Variants in CADM1 observed in about 807,000 individuals in gnomAD.
CADM1 encodes TSLC-1.
Under a neutral mutation model 53.1 loss-of-function variants are expected in CADM1, and 15 were observed. The observed-to-expected ratio is 0.28, with a 90% CI of 0.19 to 0.44. The LOEUF is 0.44. Among genes scored for constraint, CADM1 ranks in the 20% least tolerant of loss-of-function variants. The pLI, the probability that CADM1 is intolerant of heterozygous loss-of-function variation, is 1.00. For synonymous variants in CADM1, 281 were observed against 243.0 expected, an observed-to-expected ratio of 1.16 and a Z score of -1.45; for missense variants, 434 against 611.3, an observed-to-expected ratio of 0.71 and a Z score of 3.06.
At chr11:115,497,744 TTTGC>T (rs1297237634) in intron 1 of CADM1, among the ~76,000 whole-genome samples, 1 of 152,190 alleles carries the variant, frequency 6.6e-6, no homozygotes, top group Non-Finnish European at 1.5e-5. Context: ...TTTATTCGAT[TTTGC>T]TGGTGCTCCC....
At chr11:115,217,504 T>C (rs1248686195) in intron 6 of CADM1, among the ~76,000 whole-genome samples, 1 of 152,176 alleles carries the variant, frequency 6.6e-6, no homozygotes, top group East Asian at 1.9e-4. Context: ...AGCAGCTTAA[T>C]GTAAGTCTTA....
intron 1 of CADM1, among the ~76,000 whole-genome samples, chr11:115,338,172 C>A (rs527887435): frequency 6.6e-6 from 1 of 152,088 alleles, no homozygotes; most frequent in Non-Finnish European, 1.5e-5. Flanking sequence ...AACACATGTA[C>A]GGTGTTACTA....
At chr11:115,249,168 T>C (rs1311882242) in intron 1 of CADM1, among the ~76,000 whole-genome samples, 1 of 152,256 alleles carries the variant, frequency 6.6e-6, no homozygotes, top group Non-Finnish European at 1.5e-5. Context: ...TTTCAAAACA[T>C]ATGAAGTTTC....
chr11:115,381,941 G>A lies in CADM1; in HGVS notation c.124+122330C>T, dbSNP rs547657944. Among the ~76,000 whole-genome samples the A allele has an allele frequency of 1.2e-4, 18 of 152,218 alleles. No homozygotes were observed. In the East Asian group the frequency reaches 3.5e-3, roughly 29 times the overall value. On this transcript the variant is annotated intron_variant, in intron 1 of 11. Coordinates refer to ENST00000331581, the MANE Select transcript of CADM1 (RefSeq NM_001301043.2). ...GCTCACTGCAACCTCTGCCTCCCGG[G>A]TTCAAGCCATCTCCTGCCTCAGCCT...
intron 7 of CADM1, among the ~76,000 whole-genome samples, chr11:115,210,033 G>A (rs953635485): frequency 3.9e-5 from 6 of 152,206 alleles, no homozygotes; most frequent in Non-Finnish European, 7.3e-5. Flanking sequence ...CAGATGGCAG[G>A]AAGGAGGAGG....
chr11:115,198,346 A>T, intron 9 of CADM1, 60 bp downstream of exon 9: 1 of 1,305,650 alleles, frequency 7.7e-7, no homozygotes, highest in Middle Eastern at 1.8e-4. Flanking sequence ...TCTTTTTCCC[A>T]GGCTTGCCTT....
intron 1 of CADM1, among the ~76,000 whole-genome samples, chr11:115,338,210 G>A (rs567984443): frequency 5.9e-5 from 9 of 152,174 alleles, no homozygotes; most frequent in Non-Finnish European, 8.8e-5. Context: ...TAAGTACTTC[G>A]CATATGTTAA....
At chr11:115,347,057 C>T (rs1945598457) in intron 1 of CADM1, among the ~76,000 whole-genome samples, 1 of 152,148 alleles carries the variant, frequency 6.6e-6, no homozygotes, top group Non-Finnish European at 1.5e-5. Context: ...CAATGCAACA[C>T]CAGTAAACTA....
intron 1 of CADM1, among the ~76,000 whole-genome samples, chr11:115,381,971 A>T (rs1946589983): frequency 6.6e-6 from 1 of 152,012 alleles, no homozygotes; most frequent in Non-Finnish European, 1.5e-5. Context: ...CAGCCTCCCA[A>T]GTTGCTAGGA....
At position 115,357,661 on chromosome 11, in the gene CADM1, C is replaced by T. The variant is rs573866919; in HGVS notation, c.125-117241G>A. Among the ~76,000 whole-genome samples the T allele has an allele frequency of 3.3e-5, 5 of 152,188 alleles. No individual in the cohort carries two copies. In the South Asian group the frequency reaches 6.2e-4, roughly 19 times the overall value. The stretch of plus-strand genomic sequence containing the variant: ...CCTTTCCCAAAAATACTGTTTGTGA[C>T]GATTCATAACATAATGTATTTTGAG... On this transcript the variant is annotated intron_variant, in intron 1 of 11. Coordinates refer to ENST00000331581, the MANE Select transcript of CADM1 (RefSeq NM_001301043.2).
At chr11:115,411,628 T>C (rs901434434) in intron 1 of CADM1, among the ~76,000 whole-genome samples, 6 of 152,180 alleles carry the variant, frequency 3.9e-5, no homozygotes, top group Admixed American at 6.5e-5. Flanking sequence ...GTACAATTCT[T>C]TGTGGCCAAA....
chr11:115,308,192 G>GTATATATATATATATATATATATATATA (rs1387092815), intron 1 of CADM1, among the ~76,000 whole-genome samples: 2 of 70,454 alleles, frequency 2.8e-5, no homozygotes, highest in African/African-American at 6.4e-5. Context: ...ACTCATAGGT[G>GTATATATATATATATATATATATATATA]TGTATATATA....
chr11:115,411,086 CTA>C (rs1207040248), intron 1 of CADM1, among the ~76,000 whole-genome samples: 1 of 152,166 alleles, frequency 6.6e-6, no homozygotes, highest in African/African-American at 2.4e-5. Context: ...TGCCATGACT[CTA>C]TGTAATTACA....
intron 1 of CADM1, among the ~76,000 whole-genome samples, chr11:115,338,346 A>G (rs1945322676): frequency 6.6e-6 from 1 of 152,170 alleles, no homozygotes; most frequent in African/African-American, 2.4e-5. Context: ...GCTAGTAAGT[A>G]ATAGAGCCAG....
At chr11:115,235,322 A>T (rs1941975172) in intron 3 of CADM1, among the ~76,000 whole-genome samples, 1 of 152,164 alleles carries the variant, frequency 6.6e-6, no homozygotes, top group African/African-American at 2.4e-5. Flanking sequence ...CACAATGTCT[A>T]CTCTAATACA....
intron 1 of CADM1, among the ~76,000 whole-genome samples, chr11:115,355,519 G>C (rs894032424): frequency 4.6e-5 from 7 of 152,052 alleles, no homozygotes; most frequent in Admixed American, 1.3e-4. Flanking sequence ...TTGGGTACGA[G>C]GCTTAGTACC....
At chr11:115,209,221 T>C (rs1164513535) in intron 8 of CADM1, among the ~76,000 whole-genome samples, 3 of 152,222 alleles carry the variant, frequency 2.0e-5, no homozygotes, top group Non-Finnish European at 4.4e-5. Context: ...AGAGACAAGA[T>C]TGAAAGCCAC....
intron 1 of CADM1, among the ~76,000 whole-genome samples, chr11:115,312,952 T>C (rs1184854675): frequency 2.0e-5 from 3 of 152,080 alleles, no homozygotes; most frequent in Non-Finnish European, 4.4e-5. Flanking sequence ...TCAGACAATG[T>C]TTCTAAAATC....
intron 1 of CADM1, among the ~76,000 whole-genome samples, chr11:115,256,192 C>T (rs535088034): frequency 6.6e-6 from 1 of 152,196 alleles, no homozygotes; most frequent in Admixed American, 6.5e-5. Context: ...GATTTGAAGG[C>T]AGGAAAAAAA....
Sources: gnomAD v4.1 joint callset for allele counts (sites outside exome capture counted in the v4.1 genomes callset) on GRCh38, gnomAD v4.1.1 for gene constraint, MANE v1.5 for transcripts, NCBI Gene and HGNC (gene_info 2026-07-23, HGNC 2026-07-21) for gene names.